The following PDE7B variants were observed in gnomAD, a reference collection of about 807,000 sequenced individuals.
PDE7B encodes the protein phosphodiesterase 7B, also known as 3',5'-cyclic-AMP phosphodiesterase 7B.
A neutral mutation model predicts 56.2 loss-of-function variants in PDE7B; 29 were observed. That is an observed-to-expected ratio of 0.52 (90% CI 0.38 to 0.70). The LOEUF (loss-of-function observed/expected upper bound fraction) is 0.70, where lower values mean the gene tolerates loss of function less well. Among genes scored for constraint, PDE7B ranks in the 30% least tolerant of loss-of-function variants. PDE7B has a pLI of 0.00. For missense variants in PDE7B, 490 were observed against 565.0 expected (o/e 0.87, Z 1.35); for synonymous variants, 197 against 196.9 (o/e 1.00, Z 0.00).
intron 2 of PDE7B, among the ~76,000 whole-genome samples, chr6:135,989,177 A>G (rs750674473): frequency 5.3e-5 from 8 of 152,224 alleles, no homozygotes; most frequent in Non-Finnish European, 1.0e-4. Context: ...ATTAGAAGGA[A>G]CTTGTTAAAA....
chr6:136,159,559 G>A (rs1233935085), intron 8 of PDE7B, among the ~76,000 whole-genome samples: 1 of 152,272 alleles, frequency 6.6e-6, no homozygotes. Context: ...GGCTCAAGGA[G>A]CTTCTATTCC....
intron 2 of PDE7B, among the ~76,000 whole-genome samples, chr6:135,995,066 A>G (rs1295069861): frequency 1.3e-5 from 2 of 152,074 alleles, no homozygotes; most frequent in African/African-American, 4.8e-5. Context: ...GTCCCCTCCC[A>G]ACTCTGCATC....
At chr6:136,123,809 A>G (rs1777977680) in intron 3 of PDE7B, among the ~76,000 whole-genome samples, 1 of 152,216 alleles carries the variant, frequency 6.6e-6, no homozygotes, top group Admixed American at 6.5e-5. Context: ...TGCAATTTCC[A>G]TTTGCTGAAC....
chr6:136,082,073 C>A lies in PDE7B; in HGVS notation c.83-26658C>A, dbSNP rs146523726. Among the ~76,000 whole-genome samples, 5 of 152,292 alleles carry A rather than the reference C, an allele frequency of 3.3e-5. No homozygotes were observed. In the East Asian group the frequency reaches 9.6e-4, roughly 29 times the overall value. Reference sequence around the variant, plus strand: ...GGTGGGAGGCCCACACTCTGAGAAGCATTTATTTACGGCTTTGAGCGAGAG... The same window carrying A: ...GGTGGGAGGCCCACACTCTGAGAAGAATTTATTTACGGCTTTGAGCGAGAG... On this transcript the variant is annotated intron_variant, in intron 2 of 12. Transcript: ENST00000308191.
At chr6:136,038,001 G>A (rs761867176) in intron 2 of PDE7B, 2 of 1,282,386 alleles carry the variant, frequency 1.6e-6, no homozygotes, top group African/African-American at 1.5e-5. Flanking sequence ...TAAGGAAGGA[G>A]TACAGTAACA....
chr6:136,031,268 C>T, intron 2 of PDE7B, among the ~76,000 whole-genome samples: 1 of 152,184 alleles, frequency 6.6e-6, no homozygotes, highest in East Asian at 1.9e-4. Flanking sequence ...ACCTTGACAT[C>T]CCCAGGAAAC....
At chr6:135,989,640 A>C (rs976938236) in intron 2 of PDE7B, among the ~76,000 whole-genome samples, 2 of 151,904 alleles carry the variant, frequency 1.3e-5, no homozygotes, top group African/African-American at 4.8e-5. Flanking sequence ...AATAATAATA[A>C]ATTTATGTAA....
intron 8 of PDE7B, among the ~76,000 whole-genome samples, chr6:136,168,016 C>T (rs576549688): frequency 3.9e-5 from 6 of 152,142 alleles, no homozygotes; most frequent in East Asian, 1.9e-4. Flanking sequence ...TTGCAGATGG[C>T]CTTGTGGAGT....
chr6:136,114,024 T>G (rs1777791862), intron 3 of PDE7B, among the ~76,000 whole-genome samples: 1 of 152,180 alleles, frequency 6.6e-6, no homozygotes, highest in South Asian at 2.1e-4. Context: ...AGCTTCAGCC[T>G]GAGGTTTTAG....
intron 2 of PDE7B, chr6:135,993,141 T>C (rs1775504171): frequency 6.6e-6 from 1 of 152,154 alleles, no homozygotes; most frequent in Admixed American, 6.6e-5. Flanking sequence ...CACATTTCTG[T>C]AGGTGGCATG....
intron 2 of PDE7B, among the ~76,000 whole-genome samples, chr6:136,022,162 C>T (rs1157450970): frequency 6.6e-6 from 1 of 152,220 alleles, no homozygotes; most frequent in African/African-American, 2.4e-5. Context: ...TCACTTACTT[C>T]AAGAGCTCCC....
chr6:136,150,314 T>C (rs1280001313), intron 5 of PDE7B, among the ~76,000 whole-genome samples: 2 of 152,204 alleles, frequency 1.3e-5, no homozygotes, highest in African/African-American at 4.8e-5. Context: ...TTCCTGTATG[T>C]TTTCTTCCAG....
intron 2 of PDE7B, among the ~76,000 whole-genome samples, chr6:136,027,437 T>C (rs1328788130): frequency 6.6e-6 from 1 of 152,154 alleles, no homozygotes; most frequent in African/African-American, 2.4e-5. Context: ...CCTTTAAAAA[T>C]TCTATCAAAT....
intron 3 of PDE7B, among the ~76,000 whole-genome samples, chr6:136,122,999 T>C (rs1159074894): frequency 2.6e-5 from 4 of 152,214 alleles, no homozygotes; most frequent in Non-Finnish European, 4.4e-5. Context: ...TGAGCACCTA[T>C]GTGTCAGGCG....
chr6:135,916,394 T>TTTTTC (rs1554266515), intron 1 of PDE7B, among the ~76,000 whole-genome samples: 2 of 138,516 alleles, frequency 1.4e-5, no homozygotes. Flanking sequence ...TTTTCTTTCT[T>TTTTTC]TTTTTTTTTT....
At chr6:136,181,374 C>A in intron 11 of PDE7B, 51 bp downstream of exon 11, 1 of 1,102,766 alleles carries the variant, frequency 9.1e-7, no homozygotes, top group Non-Finnish European at 1.4e-6. Flanking sequence ...TTCTTTTAGG[C>A]ATTTATCCTA....
intron 2 of PDE7B, among the ~76,000 whole-genome samples, chr6:135,962,557 G>T (rs1167487165): frequency 1.3e-5 from 2 of 152,034 alleles, no homozygotes; most frequent in Non-Finnish European, 2.9e-5. Flanking sequence ...TAATAAAAGA[G>T]ATTTTAGGTT....
chr6:135,944,468 A>T (rs1355808325), intron 1 of PDE7B, among the ~76,000 whole-genome samples: 3 of 152,018 alleles, frequency 2.0e-5, no homozygotes, highest in Non-Finnish European at 4.4e-5. Flanking sequence ...TGTTACCATC[A>T]TCAGGTAACT....
chr6:135,871,962 G>A (rs930487430), intron 1 of PDE7B, among the ~76,000 whole-genome samples: 1 of 152,148 alleles, frequency 6.6e-6, no homozygotes, highest in African/African-American at 2.4e-5. Flanking sequence ...TAATAATGTG[G>A]AGCAATAATA....
Sources: allele counts gnomAD v4.1 joint callset (sites outside exome capture counted in the v4.1 genomes callset), GRCh38; gene constraint gnomAD v4.1.1; transcripts MANE v1.5; gene names NCBI Gene and HGNC (gene_info 2026-07-23, HGNC 2026-07-21).